Variants in NCAPG2 observed in about 807,000 individuals in gnomAD.
NCAPG2 encodes the protein non-SMC condensin II complex subunit G2.
NCAPG2 carries 53 observed loss-of-function variants against 141.1 expected under a neutral mutation model. That is an observed-to-expected ratio of 0.38 (90% CI 0.30 to 0.47). The LOEUF (loss-of-function observed/expected upper bound fraction) is 0.47. Among genes scored for constraint, NCAPG2 ranks in the 20% least tolerant of loss-of-function variants. The pLI is 0.99. For missense variants in NCAPG2, 1,087 were observed against 1,389.0 expected (o/e 0.78, Z 3.46); for synonymous variants, 499 against 490.7 (o/e 1.02, Z -0.22).
rs1424767003 is a variant in NCAPG2 at position 158,656,424 on chromosome 7, C to T, written c.2224G>A (p.Ala742Thr). The T allele has an allele frequency of 6.2e-7, 1 of 1,613,220 alleles. No homozygotes were observed. Among genetic ancestry groups the T allele is most frequent in the Non-Finnish European group, 8.5e-7 (1 of 1,179,784 alleles). Residue 742 changes from alanine (A) to threonine (T), a missense_variant, in exon 19 of 28, where the codon GCT becomes ACT. Coordinates refer to ENST00000356309, the MANE Select transcript of NCAPG2 (RefSeq NM_017760.7). ...TEHAQAKSNT[A>T]SKGRVQIHDT... is the part of the protein sequence containing the mutation. ...TGGATCTGCACCCTACCTTTAGAAG[C>T]TGTGTTGCTCTGAAAGAAGAGAGAG...
At chr7:158,665,437 C>T (rs1389480433) in intron 13 of NCAPG2, 6 of 152,306 alleles carry the variant, frequency 3.9e-5, no homozygotes, top group Non-Finnish European at 5.9e-5. Context: ...AAATGCAGAA[C>T]ATGACAAAGC....
intron 1 of NCAPG2, chr7:158,703,822 CA>C (rs1431113729): frequency 6.6e-6 from 1 of 152,574 alleles, no homozygotes; most frequent in East Asian, 1.9e-4. Context: ...AAACCAGCAA[CA>C]AGAGTTCAGG....
chr7:158,641,201 A>G, intron 27 of NCAPG2: 1 of 297,262 alleles, frequency 3.4e-6, no homozygotes, highest in Non-Finnish European at 6.1e-6. Context: ...CACAAAAGAC[A>G]GAAAAGGAGT....
chr7:158,656,152 G>C, intron 19 of NCAPG2, 108 bp downstream of exon 19: 1 of 1,379,042 alleles, frequency 7.3e-7, no homozygotes, highest in Non-Finnish European at 9.9e-7. Context: ...TCTCAATTCT[G>C]TTCCAGCCAG....
At chr7:158,644,940 A>C (rs1052018765) in intron 26 of NCAPG2, among the ~76,000 whole-genome samples, 6 of 152,216 alleles carry the variant, frequency 3.9e-5, no homozygotes, top group African/African-American at 1.4e-4. Context: ...TCTGAAAATA[A>C]TTTCAACGTT....
intron 24 of NCAPG2, among the ~76,000 whole-genome samples, chr7:158,649,231 T>C (rs1039877681): frequency 4.6e-5 from 7 of 151,166 alleles, no homozygotes; most frequent in Admixed American, 1.3e-4. Context: ...ACAGAACAAA[T>C]GAAAAAAGAG....
rs754359509 is a variant in NCAPG2 at position 158,687,395 on chromosome 7, G to A, written c.720C>T (p.Ile240=). ...TTTTAATGGTCCCGTGGATCATTTT[G>A]ATGAAGTTGATATTCCAGTTGAAGA... ...SCLFNWNINF[I]KMIHGTIKNQ... The change falls in exon 7 of 28, where the codon ATC becomes ATT. Residue 240 remains isoleucine, a synonymous_variant. Coordinates refer to ENST00000356309, the MANE Select transcript of NCAPG2 (RefSeq NM_017760.7). The A allele has an allele frequency of 1.2e-6, 2 of 1,611,200 alleles. No individual in the cohort carries two copies. The highest frequency in any genetic ancestry group is 2.2e-5 in the South Asian group (2 of 90,406).
intron 12 of NCAPG2, among the ~76,000 whole-genome samples, chr7:158,672,543 T>G (rs1001738671): frequency 1.2e-4 from 18 of 151,298 alleles, no homozygotes; most frequent in Non-Finnish European, 2.1e-4. Flanking sequence ...GGGTTTTACC[T>G]TGTTAGCCAG....
chr7:158,658,594 G>A (rs1043427726), intron 16 of NCAPG2, among the ~76,000 whole-genome samples, 186 bp from the exon 17 acceptor site: 2 of 152,144 alleles, frequency 1.3e-5, no homozygotes, highest in Non-Finnish European at 2.9e-5. Context: ...AAATTACTTG[G>A]TGAGTGTTAT....
intron 16 of NCAPG2, 49 bp downstream of exon 16, chr7:158,662,143 AAC>A (rs747519059): frequency 6.7e-7 from 1 of 1,501,798 alleles, no homozygotes; most frequent in Non-Finnish European, 8.9e-7. Flanking sequence ...TTAAATTCTA[AAC>A]AAACGTAACC....
chr7:158,666,472 C>T (rs1309134991), intron 13 of NCAPG2, among the ~76,000 whole-genome samples: 1 of 151,958 alleles, frequency 6.6e-6, no homozygotes, highest in African/African-American at 2.4e-5. Context: ...AAACCACCCC[C>T]AGCATAGATA....
rs564867899 is a variant in NCAPG2 at position 158,669,738 on chromosome 7, C to T, written c.1479+1776G>A. 8.1e-4 allele frequency among the ~76,000 whole-genome samples: 107 copies of T among 132,102 alleles called. 1 individual carries two copies. Among genetic ancestry groups the T allele is most frequent in the South Asian group, 8.0e-3 (32 of 4,010 alleles). 86.7% of individuals were successfully genotyped at this position (132,102 alleles called of 152,430 possible). A position where few individuals can be genotyped will look rare whatever the true frequency, so the allele number is the denominator to read the frequency against. On this transcript the variant is annotated intron_variant, in intron 13 of 27. Coordinates refer to ENST00000356309, the MANE Select transcript of NCAPG2 (RefSeq NM_017760.7). ...AAGGCAAGATTGTGCCATTGCACCC[C>T]AGCCTGGGTGACAGAGCGAGACTCT... is the stretch of plus-strand genomic sequence containing the variant.
At chr7:158,698,787 ATTT>A (rs5888768) in intron 2 of NCAPG2, among the ~76,000 whole-genome samples, 3 of 143,188 alleles carry the variant, frequency 2.1e-5, no homozygotes, top group Admixed American at 7.0e-5. Flanking sequence ...TAGTAGTAGT[ATTT>A]TTTTTTTTTT....
In NCAPG2 at chr7:158,660,396, GCTTT is replaced by G. The variant is rs1325756450; in HGVS notation, c.1989+1794_1989+1797del. 4.1e-3 allele frequency among the ~76,000 whole-genome samples: 496 copies of G among 120,160 alleles called. 21 individuals carry two copies. In the East Asian group the frequency reaches 0.12, roughly 30 times the overall value. 78.8% of individuals were successfully genotyped at this position (120,160 alleles called of 152,430 possible). A position where few individuals can be genotyped will look rare whatever the true frequency, so the allele number is the denominator to read the frequency against. On this transcript the variant is annotated intron_variant, in intron 16 of 27. Transcript: ENST00000356309. ...TTCTCAGTCCCAGGTCATTATTTCAGCTTTCTTTTTTTTTTTTTTTTTTTTTTTT... is the reference window on the plus strand; with the variant it reads ...TTCTCAGTCCCAGGTCATTATTTCAGCTTTTTTTTTTTTTTTTTTTTTTTT...
At chr7:158,653,376 A>T (rs1355579472) in intron 22 of NCAPG2, among the ~76,000 whole-genome samples, 10 of 72,382 alleles carry the variant, frequency 1.4e-4, no homozygotes, top group African/African-American at 4.4e-4. Context: ...AAAAAAAAAA[A>T]ATAAAAAAAA....
At chr7:158,664,485 G>C (rs1217226716) in intron 14 of NCAPG2, 43 bp downstream of exon 14, 1 of 1,587,670 alleles carries the variant, frequency 6.3e-7, no homozygotes, top group Admixed American at 1.7e-5. Context: ...TATGCTTTTG[G>C]GGGAAAACAT....
At chr7:158,635,838 G>A (rs978405031) in intron 27 of NCAPG2, among the ~76,000 whole-genome samples, 1 of 152,224 alleles carries the variant, frequency 6.6e-6, no homozygotes, top group African/African-American at 2.4e-5. Flanking sequence ...GGGGTTCCCA[G>A]ATTCTTAAAG....
At chr7:158,690,502 G>C in intron 5 of NCAPG2, 66 bp downstream of exon 5, 2 of 1,474,306 alleles carry the variant, frequency 1.4e-6, no homozygotes, top group Non-Finnish European at 1.9e-6. Context: ...CTATGATCAT[G>C]CCACTGCACT....
intron 17 of NCAPG2, 131 bp from the exon 18 acceptor site, chr7:158,656,836 A>AT (rs1832017643): frequency 2.0e-6 from 2 of 1,024,688 alleles, no homozygotes; most frequent in African/African-American, 3.2e-5. Flanking sequence ...TAGCACTTCC[A>AT]TGCTCTCCAA....
Sources: gnomAD v4.1 joint callset for allele counts (sites outside exome capture counted in the v4.1 genomes callset) on GRCh38, gnomAD v4.1.1 for gene constraint, MANE v1.5 for transcripts, NCBI Gene and HGNC (gene_info 2026-07-23, HGNC 2026-07-21) for gene names.